The following EIF2A variants were observed in gnomAD, a reference collection of about 807,000 sequenced individuals.
The protein encoded by EIF2A is eukaryotic translation initiation factor 2A.
Under a neutral mutation model 75.2 loss-of-function variants are expected in EIF2A, and 62 were observed. The ratio of observed to expected loss-of-function variants is 0.82; its 90% CI spans 0.67 to 1.02. EIF2A has a LOEUF of 1.02. Among genes scored for constraint, EIF2A ranks in the 50% least tolerant of loss-of-function variants. EIF2A has a pLI of 0.00. For missense variants in EIF2A, 611 were observed against 677.7 expected (o/e 0.90, Z 1.09); for synonymous variants, 207 against 239.0 (o/e 0.87, Z 1.23).
chr3:150,572,091 T>G lies in EIF2A; in HGVS notation c.945T>G (p.Gly315=). The G allele has an allele frequency of 6.2e-7, 1 of 1,614,026 alleles. No individual in the cohort carries two copies. The highest frequency in any genetic ancestry group is 8.5e-7 in the Non-Finnish European group (1 of 1,179,900). The part of the protein sequence containing the change: ...KCDPVFDFGT[G]PRNAAYYSPH... ...ATCCTGTATTTGACTTTGGAACTGGTCCTCGTAATGCAGCCTACTATAGCC... is the reference window on the plus strand; with the variant it reads ...ATCCTGTATTTGACTTTGGAACTGGGCCTCGTAATGCAGCCTACTATAGCC... Residue 315 remains glycine, a synonymous_variant, in exon 10 of 14, where the codon GGT becomes GGG. Transcript: ENST00000460851.
Position 150,577,670 on chromosome 3 carries a change from C to G in EIF2A, c.1497+1908C>G, listed in dbSNP as rs1418232855. 2.0e-5 allele frequency among the ~76,000 whole-genome samples: 3 copies of G among 151,912 alleles called. No homozygotes were observed. In the East Asian group the frequency reaches 5.8e-4, roughly 29 times the overall value. ...TCCTGAGCTCAAGCAGTCTTTCCACCTCAGCCTCCCAAAGTGCTTGGATTA... is the reference window on the plus strand; with the variant it reads ...TCCTGAGCTCAAGCAGTCTTTCCACGTCAGCCTCCCAAAGTGCTTGGATTA... On this transcript the variant is annotated intron_variant, in intron 11 of 13. Transcript: ENST00000460851.
chr3:150,569,035 G>A (rs1055972852), intron 9 of EIF2A, among the ~76,000 whole-genome samples: 39 of 152,184 alleles, frequency 2.6e-4, no homozygotes, highest in Admixed American at 7.9e-4. Context: ...AATTGAACAT[G>A]TGTAAGTAGG....
Position 150,583,214 on chromosome 3 carries a change from C to G in EIF2A, c.1641C>G (p.Ile547Met). Reference protein sequence around the residue: ...IKNLKKKLKAIEQLKEQAATG... With the variant: ...IKNLKKKLKAMEQLKEQAATG... ...GATGTTTGCAGAAACTGAAAGCAAT[C>G]GAACAACTGAAAGAACAAGCAGCAA... The change falls in exon 13 of 14, where the codon ATC (isoleucine) becomes ATG (methionine). Residue 547 changes from isoleucine (I) to methionine (M), a missense_variant. Coordinates refer to ENST00000460851, the MANE Select transcript of EIF2A (RefSeq NM_032025.5). The G allele has an allele frequency of 3.1e-6, 5 of 1,612,460 alleles. No homozygotes were observed. In the South Asian group the frequency reaches 5.5e-5, roughly 18 times the overall value.
At chr3:150,580,026 T>A (rs1011375138) in intron 11 of EIF2A, among the ~76,000 whole-genome samples, 1 of 152,192 alleles carries the variant, frequency 6.6e-6, no homozygotes, top group Admixed American at 6.5e-5. Context: ...CATTCCTTTA[T>A]TTTTTATTTA....
At chr3:150,568,327 CAAT>C (rs771937315) in intron 9 of EIF2A, 35 bp downstream of exon 9, 9 of 1,505,554 alleles carry the variant, frequency 6.0e-6, no homozygotes, top group African/African-American at 2.8e-5. Context: ...TGATTAGAAA[CAAT>C]GATAGTAAAA....
At position 150,558,473 on chromosome 3, in the gene EIF2A, A is replaced by G. The variant is rs910888211; in HGVS notation, c.173+11A>G. The G allele has an allele frequency of 1.4e-5, 21 of 1,487,248 alleles. No homozygotes were observed. Among genetic ancestry groups the G allele is most frequent in the Non-Finnish European group, 1.9e-5 (21 of 1,126,362 alleles). 92.1% of individuals were successfully genotyped at this position (1,487,248 alleles called of 1,614,324 possible). On this transcript the variant is annotated intron_variant, in intron 3 of 13. Transcript: ENST00000460851. ...GGGCAATGGAGAAAAGTTAGTGTTC[A>G]TTTACATAACATATTTTGTGTGTCA...
At chr3:150,563,444 A>C in intron 4 of EIF2A, 71 bp from the exon 5 acceptor site, 1 of 1,271,416 alleles carries the variant, frequency 7.9e-7, no homozygotes, top group Non-Finnish European at 1.1e-6. Context: ...TATCAAACTT[A>C]ATAAATAAGA....
At chr3:150,562,459 T>C in intron 3 of EIF2A, 83 bp from the exon 4 acceptor site, 1 of 1,059,932 alleles carries the variant, frequency 9.4e-7, no homozygotes, top group East Asian at 2.8e-5. Context: ...GATCTGTATT[T>C]GAAAAGAGGT....
chr3:150,567,669 G>A lies in EIF2A; in HGVS notation c.476-24G>A, dbSNP rs900315395. On this transcript the variant is annotated intron_variant, in intron 6 of 13. Coordinates refer to ENST00000460851, the MANE Select transcript of EIF2A (RefSeq NM_032025.5). The stretch of plus-strand genomic sequence containing the variant: ...TCCTTTTAGGTTCTCTCATCAATCT[G>A]ATTTAATTTACTCTTTTTTTTAGAC... 14 of 1,457,154 alleles carry A rather than the reference G, an allele frequency of 9.6e-6. No individual in the cohort carries two copies. The African/African-American group carries it at 1.7e-4, about 18-fold the overall frequency. The allele number at this position is 1,457,154 out of a possible 1,614,324, so 90.3% of individuals were successfully genotyped here. A position where few individuals can be genotyped will look rare whatever the true frequency, so the allele number is the denominator to read the frequency against.
intron 6 of EIF2A, 48 bp from the exon 7 acceptor site, chr3:150,567,645 C>A: frequency 7.9e-7 from 1 of 1,262,680 alleles, no homozygotes; most frequent in Non-Finnish European, 1.1e-6. Context: ...TTAACATGTT[C>A]CTTTTAGGTT....
At chr3:150,563,846 C>CT (rs1428953548) in intron 5 of EIF2A, among the ~76,000 whole-genome samples, 1 of 152,104 alleles carries the variant, frequency 6.6e-6, no homozygotes, top group African/African-American at 2.4e-5. Context: ...GAGAGGGAGT[C>CT]TCGCTCTGTC....
chr3:150,564,524 T>C (rs1724065649), intron 6 of EIF2A, 143 bp downstream of exon 6: 2 of 562,552 alleles, frequency 3.6e-6, no homozygotes, highest in Non-Finnish European at 5.7e-6. Context: ...GCATAATTCT[T>C]TATAAGTCTG....
At chr3:150,547,281 A>G (rs144391343) in intron 1 of EIF2A, 10 of 190,912 alleles carry the variant, frequency 5.2e-5, no homozygotes, top group Non-Finnish European at 1.0e-4. Context: ...TTCCTGCCTT[A>G]ATGAGGTTTG....
chr3:150,552,662 T>A, intron 2 of EIF2A: 2 of 336,906 alleles, frequency 5.9e-6, no homozygotes, highest in Non-Finnish European at 1.1e-5. Flanking sequence ...TAAGAAAAAG[T>A]GTAGACACTA....
chr3:150,546,940 G>A, intron 1 of EIF2A, 110 bp downstream of exon 1: 13 of 1,493,674 alleles, frequency 8.7e-6, no homozygotes, highest in Non-Finnish European at 1.2e-5. Context: ...GCCTTTTCTT[G>A]TGGCTTGCGG....
intron 10 of EIF2A, among the ~76,000 whole-genome samples, chr3:150,574,300 G>T (rs1359316302): frequency 1.3e-5 from 2 of 152,172 alleles, no homozygotes; most frequent in Non-Finnish European, 2.9e-5. Context: ...ATTTATAGTA[G>T]TTGTGTGGAT....
chr3:150,571,826 TTTAATG>T, intron 9 of EIF2A, 126 bp from the exon 10 acceptor site: 1 of 748,180 alleles, frequency 1.3e-6, no homozygotes, highest in Admixed American at 3.1e-5. Context: ...GTAAGAGTAT[TTTAATG>T]TTAACATTCC....
chr3:150,583,111 C>G, intron 12 of EIF2A, 89 bp from the exon 13 acceptor site: 1 of 1,087,046 alleles, frequency 9.2e-7, no homozygotes, highest in Non-Finnish European at 1.3e-6. Context: ...TAATTAATCT[C>G]CTTACTTGAG....
At chr3:150,582,545 ACCTCAT>A (rs1725254628) in intron 12 of EIF2A, among the ~76,000 whole-genome samples, 1 of 151,592 alleles carries the variant, frequency 6.6e-6, no homozygotes, top group Non-Finnish European at 1.5e-5. Context: ...CAATCTCCTG[ACCTCAT>A]GATCTGCCTG....
Sources: allele counts gnomAD v4.1 joint callset (sites outside exome capture counted in the v4.1 genomes callset), GRCh38; gene constraint gnomAD v4.1.1; transcripts MANE v1.5; gene names NCBI Gene and HGNC (gene_info 2026-07-23, HGNC 2026-07-21).